TBC1D19: variants seen among roughly 807,000 people sequenced by gnomAD.
TBC1D19 encodes TBC1 domain family, member 19.
In TBC1D19, 60 loss-of-function variants were observed where a neutral mutation model predicts 89.0. That is an observed-to-expected ratio of 0.67 (90% CI 0.55 to 0.84). The LOEUF is 0.84. Among genes scored for constraint, TBC1D19 ranks in the 40% least tolerant of loss-of-function variants. TBC1D19 has a pLI of 0.00. For missense variants in TBC1D19, 500 were observed against 610.8 expected (o/e 0.82, Z 1.91); for synonymous variants, 189 against 199.7 (o/e 0.95, Z 0.45).
At chr4:26,714,217 A>G (rs1245756873) in intron 13 of TBC1D19, among the ~76,000 whole-genome samples, 1 of 152,118 alleles carries the variant, frequency 6.6e-6, no homozygotes, top group Non-Finnish European at 1.5e-5. Flanking sequence ...AGCTCTGTAT[A>G]TACTGATATG....
chr4:26,727,248 A>C (rs2109286651), intron 15 of TBC1D19, among the ~76,000 whole-genome samples: 1 of 152,302 alleles, frequency 6.6e-6, no homozygotes, highest in Middle Eastern at 3.4e-3. Flanking sequence ...ACAACCTCTA[A>C]GATCAAAGAA....
Position 26,656,323 on chromosome 4 carries a change from A to T in TBC1D19, c.481-3274A>T, listed in dbSNP as rs189885086. 2.0e-5 allele frequency among the ~76,000 whole-genome samples: 3 copies of T among 152,182 alleles called. No homozygotes were observed. In the East Asian group the frequency reaches 5.8e-4, roughly 29 times the overall value. On this transcript the variant is annotated intron_variant, in intron 7 of 20. Transcript: ENST00000264866. ...ATTTTTCATGTCATTACCCATATTA[A>T]TTGAGGCATATTATACTGTATTTTA...
chr4:26,836,599 T>A, the TBC1D19 span, among the ~76,000 whole-genome samples: 7,788 of 152,242 alleles, frequency 0.051, 563 homozygotes, highest in African/African-American at 0.16. Flanking sequence ...GCCAGCTGGG[T>A]CCAGAGGAAA....
intron 18 of TBC1D19, among the ~76,000 whole-genome samples, chr4:26,747,440 C>T (rs1718712155): frequency 6.6e-6 from 1 of 152,144 alleles, no homozygotes; most frequent in Non-Finnish European, 1.5e-5. Flanking sequence ...TATATTAGAA[C>T]AATAGTTATG....
chr4:26,699,254 A>G (rs1715098609), intron 13 of TBC1D19, among the ~76,000 whole-genome samples: 1 of 152,262 alleles, frequency 6.6e-6, no homozygotes, highest in Admixed American at 6.5e-5. Context: ...CAACAGGCAC[A>G]TGAAAAAATG....
chr4:26,688,336 T>C lies in TBC1D19; in HGVS notation c.892-9T>C. 3 of 1,570,732 alleles carry C rather than the reference T, an allele frequency of 1.9e-6. No individual in the cohort carries two copies. Among genetic ancestry groups the C allele is most frequent in the Non-Finnish European group, 2.6e-6 (3 of 1,153,336 alleles). On this transcript the variant is annotated splice_polypyrimidine_tract_variant and intron_variant, in intron 12 of 20. Transcript: ENST00000264866. ...AGTTCTTTTCAGTACTGTCTACTTTTAATTATAGGATGTGAAGTTGACAGC... is the reference window on the plus strand; with the variant it reads ...AGTTCTTTTCAGTACTGTCTACTTTCAATTATAGGATGTGAAGTTGACAGC...
intron 1 of TBC1D19, chr4:26,584,806 T>C (rs1049667587): frequency 6.0e-6 from 1 of 166,932 alleles, no homozygotes; most frequent in Non-Finnish European, 1.3e-5. Context: ...CTAGCATTTA[T>C]TGGATATTTT....
At chr4:26,692,949 CA>C (rs991005406) in intron 13 of TBC1D19, among the ~76,000 whole-genome samples, 16 of 152,106 alleles carry the variant, frequency 1.1e-4, no homozygotes, top group African/African-American at 3.6e-4. Flanking sequence ...ACACAGAGAT[CA>C]GGGGAAGAGA....
chr4:26,850,540 C>CAAATAAAAAA, the TBC1D19 span, among the ~76,000 whole-genome samples: 1 of 90,444 alleles, frequency 1.1e-5, no homozygotes, highest in African/African-American at 6.0e-5. Flanking sequence ...GACCCTGTCT[C>CAAATAAAAAA]AAAAAAAAAA....
At chr4:26,858,670 G>A in the TBC1D19 span, 6 of 152,172 alleles carry the variant, frequency 3.9e-5, no homozygotes, top group Admixed American at 2.6e-4. Context: ...GGTTCATTCC[G>A]GCTATTCATT....
At chr4:26,698,226 A>G (rs1423966351) in intron 13 of TBC1D19, among the ~76,000 whole-genome samples, 18 of 152,076 alleles carry the variant, frequency 1.2e-4, no homozygotes, top group Admixed American at 1.2e-3. Context: ...TAGCAGACAA[A>G]CAGAGACCAA....
chr4:26,594,569 C>T (rs769126370), intron 1 of TBC1D19, among the ~76,000 whole-genome samples: 4 of 152,086 alleles, frequency 2.6e-5, no homozygotes, highest in Admixed American at 2.0e-4. Flanking sequence ...AAACTCAAGC[C>T]GTAAAACATG....
chr4:26,614,351 G>A, intron 2 of TBC1D19, 57 bp from the exon 3 acceptor site: 1 of 1,195,498 alleles, frequency 8.4e-7, no homozygotes, highest in Non-Finnish European at 1.2e-6. Flanking sequence ...TAATTGTAAT[G>A]TATGTTTACT....
chr4:26,765,993 C>T, the TBC1D19 span, among the ~76,000 whole-genome samples: 3 of 152,096 alleles, frequency 2.0e-5, no homozygotes, highest in East Asian at 1.9e-4. Context: ...AACACATGCA[C>T]GATACACTGC....
the TBC1D19 span, among the ~76,000 whole-genome samples, chr4:26,794,395 A>G: frequency 6.6e-6 from 1 of 152,194 alleles, no homozygotes; most frequent in Non-Finnish European, 1.5e-5. Flanking sequence ...AACTATTTGA[A>G]AAGATAAATA....
At chr4:26,799,987 C>T in the TBC1D19 span, among the ~76,000 whole-genome samples, 288 of 152,102 alleles carry the variant, frequency 1.9e-3, no homozygotes, top group African/African-American at 6.6e-3. Context: ...GCCTGTTGGA[C>T]ATTTACATTT....
chr4:26,640,072 T>C, intron 6 of TBC1D19, 69 bp from the exon 7 acceptor site: 2 of 1,092,912 alleles, frequency 1.8e-6, no homozygotes, highest in South Asian at 2.7e-5. Flanking sequence ...GAAAGAATGA[T>C]TAACATTTAT....
At chr4:26,743,412 A>ATT (rs1164565356) in intron 18 of TBC1D19, among the ~76,000 whole-genome samples, 1 of 152,114 alleles carries the variant, frequency 6.6e-6, no homozygotes, top group African/African-American at 2.4e-5. Context: ...TTCAAATTCC[A>ATT]TTTCTGTTAA....
chr4:26,753,713 G>A (rs1347231946), intron 19 of TBC1D19, 107 bp from the exon 20 acceptor site: 2 of 1,150,740 alleles, frequency 1.7e-6, no homozygotes, highest in East Asian at 4.7e-5. Context: ...GTTGTGTAAA[G>A]CACTAGTTCT....
Sources: allele counts gnomAD v4.1 joint callset (sites outside exome capture counted in the v4.1 genomes callset), GRCh38; gene constraint gnomAD v4.1.1; transcripts MANE v1.5; gene names NCBI Gene and HGNC (gene_info 2026-07-23, HGNC 2026-07-21).